The following KDM4C variants were observed in gnomAD, a reference collection of about 807,000 sequenced individuals.
The protein encoded by KDM4C is lysine demethylase 4C, also known as lysine-specific demethylase 4C.
Under a neutral mutation model 129.3 loss-of-function variants are expected in KDM4C, and 81 were observed. That is an observed-to-expected ratio of 0.63 (90% CI 0.52 to 0.75). The LOEUF (loss-of-function observed/expected upper bound fraction) is 0.75. KDM4C is among the 30% of genes least tolerant of loss of function. The pLI is 0.00. For missense variants in KDM4C, 1,457 were observed against 1,304.0 expected (o/e 1.12, Z -1.81); for synonymous variants, 573 against 456.1 (o/e 1.26, Z -3.26).
rs1227090399 is a variant in KDM4C, at chr9:6,893,282, A to C, written c.921+50A>C. 3 of 1,491,790 alleles carry C rather than the reference A, an allele frequency of 2.0e-6. No individual in the cohort carries two copies. The African/African-American group carries it at 4.2e-5, about 21-fold the overall frequency. The allele number at this position is 1,491,790 out of a possible 1,614,324, so 92.4% of individuals were successfully genotyped here. ...CAAAAATTAAATGTGTATTCTGGTTATTTTAGTAGGAACCCTACGATCCTG... is the reference window on the plus strand; with the variant it reads ...CAAAAATTAAATGTGTATTCTGGTTCTTTTAGTAGGAACCCTACGATCCTG... On this transcript the variant is annotated intron_variant, in intron 8 of 21. Transcript: ENST00000381309.
chr9:6,947,784 C>G (rs899771832), intron 8 of KDM4C, among the ~76,000 whole-genome samples: 5 of 151,830 alleles, frequency 3.3e-5, no homozygotes, highest in Non-Finnish European at 7.4e-5. Flanking sequence ...GGGGCCCATC[C>G]TGGTGTAAGT....
intron 8 of KDM4C, among the ~76,000 whole-genome samples, chr9:6,931,508 T>A (rs7031002): frequency 0.22 from 33,512 of 151,492 alleles, 4,452 homozygotes; most frequent in Middle Eastern, 0.39. Context: ...ATATATATAT[T>A]TTTTTTTCAT....
intron 1 of KDM4C, among the ~76,000 whole-genome samples, chr9:6,780,768 C>CAAAAAAAAAAAAAAAAA (rs34457968): frequency 3.1e-5 from 1 of 32,154 alleles, no homozygotes; most frequent in African/African-American, 1.3e-4. Context: ...AACTCCCTCT[C>CAAAAAAAAAAAAAAAAA]AAAAAAAAAA....
intron 17 of KDM4C, among the ~76,000 whole-genome samples, chr9:7,072,813 T>A (rs1435374601): frequency 6.6e-6 from 1 of 152,224 alleles, no homozygotes; most frequent in East Asian, 1.9e-4. Context: ...TTTTTAAAGA[T>A]TTCATTTACA....
At chr9:6,878,773 C>T (rs1463645955) in intron 5 of KDM4C, among the ~76,000 whole-genome samples, 1 of 151,932 alleles carries the variant, frequency 6.6e-6, no homozygotes, top group African/African-American at 2.4e-5. Context: ...AAGGCTGACC[C>T]TCTTGTTTGG....
At chr9:7,031,906 A>T (rs1050940264) in intron 15 of KDM4C, among the ~76,000 whole-genome samples, 8 of 152,206 alleles carry the variant, frequency 5.3e-5, no homozygotes, top group African/African-American at 1.9e-4. Flanking sequence ...CTCCCCTAGT[A>T]CTGCTAAATT....
At chr9:7,164,807 T>C (rs1357697949) in intron 19 of KDM4C, among the ~76,000 whole-genome samples, 3 of 152,176 alleles carry the variant, frequency 2.0e-5, no homozygotes, top group African/African-American at 7.2e-5. Context: ...GGATAATTAA[T>C]AGTCTCTTTC....
At chr9:7,075,261 T>A (rs1460216789) in intron 17 of KDM4C, among the ~76,000 whole-genome samples, 1 of 152,206 alleles carries the variant, frequency 6.6e-6, no homozygotes, top group Non-Finnish European at 1.5e-5. Flanking sequence ...GTTAATGGTT[T>A]GTTTTTGGTT....
chr9:6,943,692 T>C (rs1255556107), intron 8 of KDM4C, among the ~76,000 whole-genome samples: 1 of 150,566 alleles, frequency 6.6e-6, no homozygotes, highest in Non-Finnish European at 1.5e-5. Flanking sequence ...AAAAAAAAGG[T>C]TGCACAAATA....
At chr9:6,997,384 C>T (rs1819958236) in intron 12 of KDM4C, among the ~76,000 whole-genome samples, 1 of 152,152 alleles carries the variant, frequency 6.6e-6, no homozygotes, top group African/African-American at 2.4e-5. Flanking sequence ...AAGTGGAAAA[C>T]AAAATCCAGA....
intron 8 of KDM4C, among the ~76,000 whole-genome samples, chr9:6,909,013 A>C (rs951067600): frequency 6.6e-6 from 1 of 152,214 alleles, no homozygotes; most frequent in Non-Finnish European, 1.5e-5. Flanking sequence ...GTCCTGTGAC[A>C]GTTACCATGA....
intron 1 of KDM4C, chr9:6,748,703 C>G (rs772595853): frequency 2.8e-6 from 4 of 1,438,430 alleles, no homozygotes; most frequent in Admixed American, 3.3e-5. Flanking sequence ...TTGATCATTT[C>G]TAGTTGGAGA....
intron 1 of KDM4C, among the ~76,000 whole-genome samples, chr9:6,764,191 G>C (rs1410637415): frequency 2.6e-5 from 4 of 152,204 alleles, no homozygotes; most frequent in Non-Finnish European, 5.9e-5. Flanking sequence ...AATGGTAGGA[G>C]TACTTACAAT....
chr9:6,760,985 T>G (rs72699615), intron 1 of KDM4C, among the ~76,000 whole-genome samples: 11,191 of 151,162 alleles, frequency 0.074, 612 homozygotes, highest in Non-Finnish European at 0.11. Context: ...AATGCTGTGT[T>G]TTCCTTTCCT....
At chr9:6,995,916 C>CCCGG (rs1819643008) in intron 12 of KDM4C, among the ~76,000 whole-genome samples, 2 of 152,218 alleles carry the variant, frequency 1.3e-5, no homozygotes, top group Admixed American at 1.3e-4. Flanking sequence ...GATCTGCCCA[C>CCCGG]CTCGGCCTCC....
intron 17 of KDM4C, among the ~76,000 whole-genome samples, chr9:7,085,137 A>T (rs1834964797): frequency 6.6e-6 from 1 of 152,220 alleles, no homozygotes; most frequent in African/African-American, 2.4e-5. Context: ...GTACTGAGAG[A>T]TGGCCAGAGT....
chr9:6,964,410 G>A (rs964512261), intron 8 of KDM4C, among the ~76,000 whole-genome samples: 1 of 151,500 alleles, frequency 6.6e-6, no homozygotes, highest in Non-Finnish European at 1.5e-5. Context: ...CGCTACAAAG[G>A]ACATGAACTC....
Position 6,985,772 on chromosome 9 carries a change from C to T in KDM4C, c.1355-572C>T, listed in dbSNP as rs141284402. 6.9e-3 allele frequency among the ~76,000 whole-genome samples: 1,054 copies of T among 152,256 alleles called. 11 individuals carry two copies. The highest frequency in any genetic ancestry group is 0.025 in the African/African-American group (1,019 of 41,546). On this transcript the variant is annotated intron_variant, in intron 10 of 21. Transcript: ENST00000381309. The stretch of plus-strand genomic sequence containing the variant: ...GTGGCACAATCATAGCTCCCTGCAA[C>T]CTCTGCCTCTCAGGTTCAAGCGATT...
chr9:7,044,204 G>A (rs1218391124), intron 15 of KDM4C, among the ~76,000 whole-genome samples: 1 of 152,014 alleles, frequency 6.6e-6, no homozygotes, highest in African/African-American at 2.4e-5. Flanking sequence ...GTTTGAGGGA[G>A]TAACATTTAG....
Sources: allele counts gnomAD v4.1 joint callset (sites outside exome capture counted in the v4.1 genomes callset), GRCh38; gene constraint gnomAD v4.1.1; transcripts MANE v1.5; gene names NCBI Gene and HGNC (gene_info 2026-07-23, HGNC 2026-07-21).